SSH2: variants seen among roughly 807,000 people sequenced by gnomAD.
The protein encoded by SSH2 is slingshot protein phosphatase 2, also known as protein phosphatase Slingshot homolog 2.
A neutral mutation model predicts 135.2 loss-of-function variants in SSH2; 37 were observed. That is an observed-to-expected ratio of 0.27 (90% CI 0.21 to 0.36). SSH2 has a LOEUF of 0.36. Ranked by LOEUF, SSH2 falls within the 10% of genes least tolerant of loss-of-function variation. SSH2 has a pLI of 1.00. For synonymous variants in SSH2, 628 were observed against 646.2 expected (o/e 0.97, Z 0.43); for missense variants, 1,408 against 1,765.3 (o/e 0.80, Z 3.63).
intron 3 of SSH2, among the ~76,000 whole-genome samples, chr17:29,740,599 G>A (rs1403188049): frequency 1.3e-5 from 2 of 152,038 alleles, no homozygotes; most frequent in Non-Finnish European, 2.9e-5. Flanking sequence ...ATGGAAACTG[G>A]TTCAAGAATT....
At chr17:29,658,658 G>A (rs577161624) in intron 11 of SSH2, among the ~76,000 whole-genome samples, 1 of 151,986 alleles carries the variant, frequency 6.6e-6, no homozygotes, top group African/African-American at 2.4e-5. Context: ...ACCTGAGGTT[G>A]GGAGTTACAG....
At chr17:29,856,110 GA>G in intron 1 of SSH2, 1 of 329,170 alleles carries the variant, frequency 3.0e-6, no homozygotes. Context: ...TTTCTTGGGT[GA>G]AAAATACATC....
intron 3 of SSH2, among the ~76,000 whole-genome samples, chr17:29,730,602 A>AT (rs2040152095): frequency 6.6e-6 from 1 of 151,552 alleles, no homozygotes; most frequent in African/African-American, 2.4e-5. Flanking sequence ...CACTCGGCTA[A>AT]TTTTTTTGGT....
intron 11 of SSH2, among the ~76,000 whole-genome samples, chr17:29,661,203 C>T (rs1178922997): frequency 6.6e-6 from 1 of 152,052 alleles, no homozygotes; most frequent in African/African-American, 2.4e-5. Flanking sequence ...ATTGTCTTAT[C>T]ACCACTGTAT....
intron 3 of SSH2, among the ~76,000 whole-genome samples, chr17:29,715,251 C>CTT (rs869218944): frequency 1.6e-5 from 2 of 125,190 alleles, no homozygotes; most frequent in Admixed American, 7.4e-5. Flanking sequence ...TTCTTTCTTT[C>CTT]TTTTTTTTTT....
intron 1 of SSH2, among the ~76,000 whole-genome samples, chr17:29,857,977 C>CAT: frequency 6.6e-6 from 1 of 152,352 alleles, no homozygotes; most frequent in South Asian, 2.1e-4. Context: ...TAAGTGGAAT[C>CAT]ATACACTGTT....
intron 1 of SSH2, among the ~76,000 whole-genome samples, chr17:29,900,571 A>G (rs537077381): frequency 8.5e-5 from 13 of 152,218 alleles, no homozygotes; most frequent in Non-Finnish European, 1.9e-4. Context: ...AATCAAAACC[A>G]CAATGAGATA....
chr17:29,661,328 G>A (rs1258090060), intron 11 of SSH2, among the ~76,000 whole-genome samples: 1 of 152,128 alleles, frequency 6.6e-6, no homozygotes, highest in Non-Finnish European at 1.5e-5. Context: ...CAATAAAGAG[G>A]ATAGACAAAC....
intron 2 of SSH2, among the ~76,000 whole-genome samples, chr17:29,807,262 T>TA (rs1234379999): frequency 6.6e-6 from 1 of 152,180 alleles, no homozygotes; most frequent in African/African-American, 2.4e-5. Flanking sequence ...GTGGCCCAAG[T>TA]AAAAAAGAAA....
intron 1 of SSH2, 140 bp downstream of exon 1, chr17:29,929,798 G>A: frequency 2.7e-6 from 2 of 742,350 alleles, no homozygotes; most frequent in South Asian, 1.7e-5. Context: ...ACATGGGGGT[G>A]TGGGGGGGTT....
intron 1 of SSH2, among the ~76,000 whole-genome samples, chr17:29,899,815 C>T (rs1234159537): frequency 6.6e-6 from 1 of 152,148 alleles, no homozygotes; most frequent in Non-Finnish European, 1.5e-5. Context: ...AAAGAGCCCA[C>T]ATTGCCAAGT....
rs1260311208 is a variant in SSH2 at position 29,829,821 on chromosome 17, A to G, written c.144+19028T>C. Among the ~76,000 whole-genome samples, 20 of 151,578 alleles carry G rather than the reference A, an allele frequency of 1.3e-4. 1 individual carries two copies. The highest frequency in any genetic ancestry group is 5.9e-4 in the Admixed American group (9 of 15,228). ...CTCTTCAGTGGCTTTTTGTTGTCCA[A>G]GAAATAAAGATCAAGATTTTTTTTT... On this transcript the variant is annotated intron_variant, in intron 2 of 15. Coordinates refer to ENST00000540801, the MANE Select transcript of SSH2 (RefSeq NM_001282129.2).
rs769634883 is a variant in SSH2, at chr17:29,667,120, G to A, written c.903+10C>T. The stretch of plus-strand genomic sequence containing the variant: ...AGCCTTGGAACAAACAAGGACTCAA[G>A]GTCTCTTACCTCTTTGGATGTAATA... On this transcript the variant is annotated intron_variant, in intron 10 of 15. Transcript: ENST00000540801. 1 of 1,609,416 alleles carries A rather than the reference G, an allele frequency of 6.2e-7. No homozygotes were observed. Among genetic ancestry groups the A allele is most frequent in the Non-Finnish European group, 8.5e-7 (1 of 1,176,330 alleles).
chr17:29,647,960 G>T, intron 14 of SSH2, 184 bp downstream of exon 14: 2 of 619,144 alleles, frequency 3.2e-6, no homozygotes, highest in Non-Finnish European at 5.6e-6. Context: ...ACTGTGCCCG[G>T]CCAGCCCATG....
intron 2 of SSH2, among the ~76,000 whole-genome samples, chr17:29,794,866 A>C (rs562632716): frequency 6.6e-6 from 1 of 152,356 alleles, no homozygotes; most frequent in East Asian, 1.9e-4. Flanking sequence ...AGTATATGTT[A>C]TGATATTATA....
intron 1 of SSH2, among the ~76,000 whole-genome samples, chr17:29,928,742 A>C (rs2067116722): frequency 6.6e-6 from 1 of 152,200 alleles, no homozygotes; most frequent in African/African-American, 2.4e-5. Flanking sequence ...CTGAAATGAC[A>C]AGCCAGCAAA....
intron 3 of SSH2, among the ~76,000 whole-genome samples, chr17:29,791,601 A>C (rs556880800): frequency 6.6e-6 from 1 of 152,332 alleles, no homozygotes; most frequent in South Asian, 2.1e-4. Flanking sequence ...GCAGTCAAAC[A>C]TACAAAAATC....
chr17:29,910,811 C>T (rs1025660724), intron 1 of SSH2, among the ~76,000 whole-genome samples: 1 of 152,092 alleles, frequency 6.6e-6, no homozygotes, highest in Non-Finnish European at 1.5e-5. Flanking sequence ...GAATGATATA[C>T]TTCACAATTC....
intron 1 of SSH2, among the ~76,000 whole-genome samples, chr17:29,874,918 CTCTCTA>C (rs2066001857): frequency 6.6e-6 from 1 of 152,142 alleles, no homozygotes; most frequent in African/African-American, 2.4e-5. Flanking sequence ...TCTCTTTTCT[CTCTCTA>C]TAACTTTCCC....
Sources: allele counts gnomAD v4.1 joint callset (sites outside exome capture counted in the v4.1 genomes callset), GRCh38; gene constraint gnomAD v4.1.1; transcripts MANE v1.5; gene names NCBI Gene and HGNC (gene_info 2026-07-23, HGNC 2026-07-21).